Variants in SMARCAD1 observed in about 807,000 individuals in gnomAD.
SMARCAD1 encodes the protein SWI/SNF-related matrix-associated actin-dependent regulator of chromatin subfamily A containing DEAD/H box 1.
In SMARCAD1, 25 loss-of-function variants were observed where a neutral mutation model predicts 127.1. The ratio of observed to expected loss-of-function variants is 0.20; its 90% CI spans 0.14 to 0.27. The LOEUF (loss-of-function observed/expected upper bound fraction) is 0.27. Among genes scored for constraint, SMARCAD1 ranks in the 10% least tolerant of loss-of-function variants. SMARCAD1 has a pLI of 1.00. For synonymous variants in SMARCAD1, 400 were observed against 396.9 expected (o/e 1.01, Z -0.09); for missense variants, 807 against 1,206.0 (o/e 0.67, Z 4.90).
In SMARCAD1 at chr4:94,276,482, A is replaced by G; in HGVS notation, c.1944+8A>G. The G allele has an allele frequency of 6.2e-7, 1 of 1,613,972 alleles. No homozygotes were observed. The highest frequency in any genetic ancestry group is 1.1e-5 in the South Asian group (1 of 91,056). On this transcript the variant is annotated splice_region_variant and intron_variant, in intron 15 of 23. Transcript: ENST00000354268. ...CACCTTATGACAATTAATGTAAGAG[A>G]ATGTTTGTAAAGTTTTCCAAATTAC...
Position 94,252,989 on chromosome 4 carries a change from T to A in SMARCAD1, c.1263T>A (p.Phe421Leu). The A allele has an allele frequency of 6.2e-7, 1 of 1,613,182 alleles. No individual in the cohort carries two copies. The highest frequency in any genetic ancestry group is 8.5e-7 in the Non-Finnish European group (1 of 1,180,004). The change falls in exon 9 of 24, where the codon TTT becomes TTA. Residue 421 changes from phenylalanine (F) to leucine (L), a missense_variant. Coordinates refer to ENST00000354268, the MANE Select transcript of SMARCAD1 (RefSeq NM_020159.5). ...AGAAGATAACAGAACTCCGGCCCTTTAATAGTTGGGAGGCTCTGGTAAGGC... is the reference window on the plus strand; with the variant it reads ...AGAAGATAACAGAACTCCGGCCCTTAAATAGTTGGGAGGCTCTGGTAAGGC... ...KAQKITELRP[F>L]NSWEALFTKM...
chr4:94,218,494 T>C (rs1409533966), intron 2 of SMARCAD1, among the ~76,000 whole-genome samples: 1 of 152,030 alleles, frequency 6.6e-6, no homozygotes. Context: ...GGTTTCACCA[T>C]GTTGCCCAGG....
At chr4:94,272,647 A>G (rs371203611) in intron 11 of SMARCAD1, among the ~76,000 whole-genome samples, 120 of 152,062 alleles carry the variant, frequency 7.9e-4, no homozygotes, top group African/African-American at 2.7e-3. Context: ...ATTGAGATCT[A>G]TCTGTGTTCT....
chr4:94,275,800 T>TATTTTATTTTATTTTATTA (rs1309423240), intron 14 of SMARCAD1, among the ~76,000 whole-genome samples: 25 of 141,172 alleles, frequency 1.8e-4, no homozygotes, highest in Non-Finnish European at 9.2e-5. Context: ...CATTTTCTTT[T>TATTTTATTTTATTTTATTA]TTTTTTTTTT....
intron 23 of SMARCAD1, among the ~76,000 whole-genome samples, chr4:94,288,817 C>A (rs1467667459): frequency 6.6e-6 from 1 of 152,096 alleles, no homozygotes; most frequent in African/African-American, 2.4e-5. Context: ...TCAAAATATT[C>A]TCAGTGCTAA....
At chr4:94,228,875 A>G (rs1046697901) in intron 3 of SMARCAD1, among the ~76,000 whole-genome samples, 2 of 152,092 alleles carry the variant, frequency 1.3e-5, no homozygotes, top group African/African-American at 2.4e-5. Context: ...TTCTCAGGAT[A>G]CTGACCTTTG....
chr4:94,231,306 CAT>C, intron 3 of SMARCAD1, among the ~76,000 whole-genome samples: 1 of 152,066 alleles, frequency 6.6e-6, no homozygotes, highest in East Asian at 1.9e-4. Context: ...TCAGGAGAAA[CAT>C]AGTAGATAGT....
intron 15 of SMARCAD1, 22 bp from the exon 16 acceptor site, chr4:94,277,000 T>C: frequency 1.2e-6 from 2 of 1,613,784 alleles, no homozygotes; most frequent in East Asian, 2.2e-5. Context: ...AAAGCTAATA[T>C]AAATTTTACC....
chr4:94,271,437 C>A (rs1273706210), intron 11 of SMARCAD1, among the ~76,000 whole-genome samples: 1 of 152,126 alleles, frequency 6.6e-6, no homozygotes. Flanking sequence ...CATCTCTATT[C>A]CTCCAGCTAT....
intron 21 of SMARCAD1, among the ~76,000 whole-genome samples, chr4:94,282,386 G>A (rs1306538228): frequency 1.3e-5 from 2 of 151,708 alleles, no homozygotes; most frequent in Non-Finnish European, 2.9e-5. Context: ...GTGAGCCACC[G>A]CGCCCGGCGC....
At chr4:94,267,876 G>C (rs540282542) in intron 10 of SMARCAD1, among the ~76,000 whole-genome samples, 7 of 152,068 alleles carry the variant, frequency 4.6e-5, no homozygotes, top group Non-Finnish European at 1.0e-4. Context: ...AAACTGTGAA[G>C]CGTCAAAATA....
intron 6 of SMARCAD1, chr4:94,248,393 G>C: frequency 2.2e-6 from 1 of 447,510 alleles, no homozygotes; most frequent in Non-Finnish European, 4.5e-6. Context: ...AAAAAGCAGT[G>C]GTCTAGAGTT....
intron 23 of SMARCAD1, among the ~76,000 whole-genome samples, chr4:94,285,389 T>TTG: frequency 6.6e-6 from 1 of 152,120 alleles, no homozygotes; most frequent in South Asian, 2.1e-4. Context: ...CCTTTTGTTT[T>TTG]TGTGTGTGTG....
At chr4:94,234,987 GC>G (rs1430852647) in intron 4 of SMARCAD1, among the ~76,000 whole-genome samples, 1 of 152,060 alleles carries the variant, frequency 6.6e-6, no homozygotes, top group Non-Finnish European at 1.5e-5. Flanking sequence ...GTCAGTGATA[GC>G]CCATTTTTAC....
intron 2 of SMARCAD1, among the ~76,000 whole-genome samples, chr4:94,219,465 A>T (rs563884082): frequency 1.3e-5 from 2 of 152,222 alleles, no homozygotes; most frequent in African/African-American, 4.8e-5. Flanking sequence ...CCGAAAAGGT[A>T]AAACCAGTGG....
intron 20 of SMARCAD1, 26 bp downstream of exon 20, chr4:94,280,806 T>C: frequency 6.2e-7 from 1 of 1,607,900 alleles, no homozygotes; most frequent in South Asian, 1.1e-5. Flanking sequence ...GGCGTTTCTT[T>C]TGTATTTTCT....
chr4:94,282,272 A>T (rs1754205760), intron 21 of SMARCAD1, among the ~76,000 whole-genome samples: 1 of 141,044 alleles, frequency 7.1e-6, no homozygotes, highest in Non-Finnish European at 1.5e-5. Context: ...AATTTTTTGT[A>T]TTTTTAGTAG....
At chr4:94,240,228 G>T (rs1467593100) in intron 5 of SMARCAD1, among the ~76,000 whole-genome samples, 1 of 152,168 alleles carries the variant, frequency 6.6e-6, no homozygotes, top group Non-Finnish European at 1.5e-5. Context: ...TATTTAAGAA[G>T]TAGGTAAATA....
intron 6 of SMARCAD1, 112 bp downstream of exon 6, chr4:94,241,118 C>G (rs1747514198): frequency 1.3e-6 from 1 of 742,236 alleles, no homozygotes; most frequent in East Asian, 2.8e-5. Context: ...TCCTTTCTAT[C>G]ACAACTAAGG....
Sources: gnomAD v4.1 joint callset for allele counts (sites outside exome capture counted in the v4.1 genomes callset) on GRCh38, gnomAD v4.1.1 for gene constraint, MANE v1.5 for transcripts, NCBI Gene and HGNC (gene_info 2026-07-23, HGNC 2026-07-21) for gene names.